RGL1: variants seen among roughly 807,000 people sequenced by gnomAD.
RGL1 encodes ral guanine nucleotide dissociation stimulator-like 1.
RGL1 carries 24 observed loss-of-function variants against 95.2 expected under a neutral mutation model. The observed-to-expected ratio is 0.25, with a 90% CI of 0.18 to 0.35. The LOEUF is 0.35. RGL1 is among the 10% of genes least tolerant of loss of function. The pLI, the probability that RGL1 is intolerant of heterozygous loss-of-function variation, is 1.00. For synonymous variants in RGL1, 329 were observed against 344.9 expected, an observed-to-expected ratio of 0.95 and a Z score of 0.51; for missense variants, 715 against 936.3, an observed-to-expected ratio of 0.76 and a Z score of 3.08.
chr1:183,883,691 C>G, intron 5 of RGL1, 95 bp from the exon 6 acceptor site: 1 of 1,424,314 alleles, frequency 7.0e-7, no homozygotes, highest in Non-Finnish European at 9.7e-7. Context: ...AGGATTGGCC[C>G]TCTTCTTCCT....
chr1:183,841,080 T>C (rs1239371972), intron 2 of RGL1, among the ~76,000 whole-genome samples: 1 of 152,176 alleles, frequency 6.6e-6, no homozygotes, highest in African/African-American at 2.4e-5. Context: ...CTGAACAACT[T>C]GGTTGCCAGA....
intron 10 of RGL1, among the ~76,000 whole-genome samples, chr1:183,898,119 T>C (rs763758835): frequency 2.0e-5 from 3 of 152,150 alleles, no homozygotes; most frequent in Non-Finnish European, 4.4e-5. Flanking sequence ...GGGTGGCAAA[T>C]CCTGTTTTCT....
chr1:183,798,448 A>G (rs1472520303), intron 2 of RGL1, among the ~76,000 whole-genome samples: 1 of 152,138 alleles, frequency 6.6e-6, no homozygotes, highest in African/African-American at 2.4e-5. Context: ...TGAAACCATC[A>G]CCACCATCAA....
chr1:183,702,408 G>A (rs1056558000), intron 1 of RGL1, among the ~76,000 whole-genome samples: 1 of 152,196 alleles, frequency 6.6e-6, no homozygotes, highest in Non-Finnish European at 1.5e-5. Flanking sequence ...ATTTTAAAAT[G>A]AAGTTAATAA....
At chr1:183,800,367 C>G (rs1045624228), upstream of RGL1, among the ~76,000 whole-genome samples, 1 of 152,120 alleles carries the variant, frequency 6.6e-6, no homozygotes, top group Admixed American at 6.5e-5. Context: ...TATCTATTGG[C>G]TCTGGTAAAA....
intron 1 of RGL1, among the ~76,000 whole-genome samples, chr1:183,711,259 A>G (rs547239229): frequency 6.6e-6 from 1 of 152,292 alleles, no homozygotes; most frequent in South Asian, 2.1e-4. Context: ...CCAACTCTTC[A>G]GTGAGAAGCA....
At chr1:183,796,859 A>C (rs1660726438) in intron 2 of RGL1, among the ~76,000 whole-genome samples, 1 of 152,130 alleles carries the variant, frequency 6.6e-6, no homozygotes, top group Non-Finnish European at 1.5e-5. Flanking sequence ...TTCTGAGTTG[A>C]TGGTTGTATG....
At chr1:183,749,200 G>A (rs1657842566) in intron 2 of RGL1, among the ~76,000 whole-genome samples, 1 of 151,996 alleles carries the variant, frequency 6.6e-6, no homozygotes, top group African/African-American at 2.4e-5. Context: ...TCATTGATCT[G>A]TCTAATACTG....
chr1:183,845,154 A>G (rs986566036), intron 2 of RGL1, among the ~76,000 whole-genome samples: 8 of 147,572 alleles, frequency 5.4e-5, no homozygotes, highest in Middle Eastern at 3.5e-3. Flanking sequence ...TGACTATTTC[A>G]ATTTAGGAAA....
chr1:183,856,884 C>T (rs970277261), intron 3 of RGL1, among the ~76,000 whole-genome samples: 5 of 152,068 alleles, frequency 3.3e-5, no homozygotes, highest in African/African-American at 1.2e-4. Flanking sequence ...TGCTGGCTCA[C>T]ACTTTATCAG....
At chr1:183,916,001 CT>C (rs1668940873) in intron 15 of RGL1, among the ~76,000 whole-genome samples, 1 of 152,198 alleles carries the variant, frequency 6.6e-6, no homozygotes, top group Non-Finnish European at 1.5e-5. Context: ...TGGGGTACTT[CT>C]CTTAGAAACT....
intron 13 of RGL1, among the ~76,000 whole-genome samples, chr1:183,906,299 G>A (rs1355539119): frequency 6.6e-6 from 1 of 152,078 alleles, no homozygotes; most frequent in East Asian, 1.9e-4. Flanking sequence ...TTCATAAAAG[G>A]CACTTGGAAT....
At chr1:183,772,827 G>A (rs1436174119) in intron 2 of RGL1, among the ~76,000 whole-genome samples, 3 of 151,220 alleles carry the variant, frequency 2.0e-5, no homozygotes, top group East Asian at 3.9e-4. Context: ...GGCTAACAAG[G>A]TGAAACCCCG....
chr1:183,704,966 C>T (rs1351092513), intron 1 of RGL1, among the ~76,000 whole-genome samples: 1 of 152,132 alleles, frequency 6.6e-6, no homozygotes, highest in East Asian at 1.9e-4. Flanking sequence ...GGTTAGAACA[C>T]TTATTGCAAC....
intron 2 of RGL1, among the ~76,000 whole-genome samples, chr1:183,788,635 A>G (rs1168361936): frequency 6.6e-6 from 1 of 152,202 alleles, no homozygotes; most frequent in Non-Finnish European, 1.5e-5. Context: ...GGTCACTAAA[A>G]TAGTTATTTA....
At chr1:183,698,530 A>C (rs1382563227) in intron 1 of RGL1, among the ~76,000 whole-genome samples, 1 of 152,384 alleles carries the variant, frequency 6.6e-6, no homozygotes, top group Admixed American at 6.5e-5. Context: ...TCTTTGTCTC[A>C]TCTGAAATAT....
chr1:183,654,150 C>T lies in RGL1; in HGVS notation c.-33+17649C>T, dbSNP rs190581771. ...TTTCCACTGTCAGACTTCCAGTCTG[C>T]ACCACAGCACACATCCTTTCTCATC... is the stretch of plus-strand genomic sequence containing the variant. On this transcript the variant is annotated intron_variant, in intron 1 of 18. Transcript: ENST00000304685. 7.2e-5 allele frequency among the ~76,000 whole-genome samples: 11 copies of T among 152,356 alleles called. No homozygotes were observed. The East Asian group carries it at 2.1e-3, about 29-fold the overall frequency.
chr1:183,768,461 C>CA (rs1659101921), intron 2 of RGL1, among the ~76,000 whole-genome samples: 2 of 83,852 alleles, frequency 2.4e-5, no homozygotes, highest in African/African-American at 4.4e-5. Flanking sequence ...CTTTAGATAA[C>CA]TTTTTTTTTT....
intron 2 of RGL1, among the ~76,000 whole-genome samples, chr1:183,820,134 T>C (rs1474725500): frequency 2.6e-5 from 4 of 152,180 alleles, no homozygotes; most frequent in African/African-American, 9.7e-5. Context: ...AAATCATCTA[T>C]AATTCTGCCA....
Sources: gnomAD v4.1 joint callset for allele counts (sites outside exome capture counted in the v4.1 genomes callset) on GRCh38, gnomAD v4.1.1 for gene constraint, MANE v1.5 for transcripts, NCBI Gene and HGNC (gene_info 2026-07-23, HGNC 2026-07-21) for gene names.